The following KHDRBS2 variants were observed in gnomAD, a reference collection of about 807,000 sequenced individuals.
KHDRBS2 encodes the protein KH RNA binding domain containing, signal transduction associated 2.
In KHDRBS2, 26 loss-of-function variants were observed where a neutral mutation model predicts 44.3. That is an observed-to-expected ratio of 0.59 (90% CI 0.43 to 0.81). The LOEUF (loss-of-function observed/expected upper bound fraction) is 0.81. Ranked by LOEUF, KHDRBS2 falls within the 40% of genes least tolerant of loss-of-function variation. KHDRBS2 has a pLI of 0.00. For synonymous variants in KHDRBS2, 194 were observed against 151.1 expected (o/e 1.28, Z -2.08); for missense variants, 476 against 433.1 (o/e 1.10, Z -0.88).
At chr6:61,702,552 G>T (rs1056335798) in intron 7 of KHDRBS2, among the ~76,000 whole-genome samples, 2 of 151,850 alleles carry the variant, frequency 1.3e-5, no homozygotes, top group African/African-American at 2.4e-5. Flanking sequence ...AACATTTGTC[G>T]AATGAATGAA....
chr6:61,955,875 A>G (rs938776553), intron 4 of KHDRBS2, among the ~76,000 whole-genome samples: 14 of 152,020 alleles, frequency 9.2e-5, no homozygotes, highest in Admixed American at 7.9e-4. Context: ...TTCTTATTCA[A>G]TTTTAGATTA....
At chr6:61,899,904 C>G (rs1010325982) in intron 5 of KHDRBS2, among the ~76,000 whole-genome samples, 1 of 151,884 alleles carries the variant, frequency 6.6e-6, no homozygotes, top group African/African-American at 2.4e-5. Flanking sequence ...TTAAAGATGA[C>G]TAGCAATGAT....
At chr6:61,554,217 C>T in the KHDRBS2 span, among the ~76,000 whole-genome samples, 2 of 152,222 alleles carry the variant, frequency 1.3e-5, no homozygotes, top group South Asian at 2.1e-4. Context: ...ATAGTTAGGT[C>T]TTCTTGTTGA....
chr6:62,053,259 A>C (rs1307429682), intron 2 of KHDRBS2, among the ~76,000 whole-genome samples: 1 of 151,998 alleles, frequency 6.6e-6, no homozygotes, highest in Admixed American at 6.6e-5. Context: ...CCAGAGAAAA[A>C]AATGGAGAAA....
Position 61,893,978 on chromosome 6 carries a change from C to A in KHDRBS2, c.810+657G>T, listed in dbSNP as rs140062752. 8.8e-4 allele frequency among the ~76,000 whole-genome samples: 133 copies of A among 151,836 alleles called. 1 individual carries two copies. Among genetic ancestry groups the A allele is most frequent in the African/African-American group, 3.0e-3 (126 of 41,398 alleles). On this transcript the variant is annotated intron_variant, in intron 6 of 8. Coordinates refer to ENST00000281156, the MANE Select transcript of KHDRBS2 (RefSeq NM_152688.4). ...TTTCCCTTTTTACATATTTCACAAT[C>A]TAGTCGGAGAAATGGACACAAGGAC...
chr6:61,926,470 A>C (rs1808992833), intron 4 of KHDRBS2, among the ~76,000 whole-genome samples: 1 of 152,190 alleles, frequency 6.6e-6, no homozygotes. Flanking sequence ...TACTGACTTT[A>C]TATAACATGC....
At chr6:61,849,520 A>G (rs1193172334) in intron 6 of KHDRBS2, among the ~76,000 whole-genome samples, 1 of 152,142 alleles carries the variant, frequency 6.6e-6, no homozygotes, top group Admixed American at 6.6e-5. Flanking sequence ...AAATCTCTTT[A>G]ATGAGTTCTA....
chr6:61,618,683 C>T, the KHDRBS2 span, among the ~76,000 whole-genome samples: 6 of 152,270 alleles, frequency 3.9e-5, no homozygotes, highest in Admixed American at 3.9e-4. Flanking sequence ...TACATGTGTT[C>T]TCATCATTTA....
chr6:61,810,305 C>T (rs1038281337), intron 6 of KHDRBS2, among the ~76,000 whole-genome samples: 1 of 151,908 alleles, frequency 6.6e-6, no homozygotes, highest in Admixed American at 6.6e-5. Context: ...AGGTCAGGCC[C>T]GAGGTTGATG....
chr6:61,935,028 T>A (rs1042318970), intron 4 of KHDRBS2, among the ~76,000 whole-genome samples: 1 of 152,192 alleles, frequency 6.6e-6, no homozygotes, highest in Non-Finnish European at 1.5e-5. Context: ...GTGCTCTGAA[T>A]TTTTAGAGTT....
chr6:62,091,902 T>C (rs1032077560), intron 2 of KHDRBS2, among the ~76,000 whole-genome samples: 4 of 152,166 alleles, frequency 2.6e-5, no homozygotes, highest in Non-Finnish European at 5.9e-5. Flanking sequence ...TACGTATTAA[T>C]TATTAATTAT....
chr6:62,240,115 G>T (rs964939313), intron 1 of KHDRBS2, among the ~76,000 whole-genome samples: 13 of 152,000 alleles, frequency 8.6e-5, no homozygotes, highest in African/African-American at 2.9e-4. Context: ...TATAACATTA[G>T]TATGGTACAT....
At chr6:61,719,055 T>C (rs1771913444) in intron 7 of KHDRBS2, among the ~76,000 whole-genome samples, 1 of 152,186 alleles carries the variant, frequency 6.6e-6, no homozygotes, top group African/African-American at 2.4e-5. Flanking sequence ...TTTGCTCTCC[T>C]AGTACATTCT....
At chr6:61,807,084 C>G (rs543644632) in intron 6 of KHDRBS2, among the ~76,000 whole-genome samples, 1 of 152,032 alleles carries the variant, frequency 6.6e-6, no homozygotes. Context: ...TGCTCAAGAT[C>G]GCTGATCATT....
At chr6:62,005,443 A>T (rs894818304) in intron 3 of KHDRBS2, among the ~76,000 whole-genome samples, 2 of 152,018 alleles carry the variant, frequency 1.3e-5, no homozygotes, top group African/African-American at 4.8e-5. Context: ...TTATTTAAAT[A>T]TGCTTTAATA....
chr6:62,199,819 A>C (rs932702908), intron 1 of KHDRBS2, among the ~76,000 whole-genome samples: 1 of 152,180 alleles, frequency 6.6e-6, no homozygotes, highest in Non-Finnish European at 1.5e-5. Context: ...GCATCACGCT[A>C]CCTGACTTCA....
chr6:61,688,239 CAAA>C (rs758339641), intron 8 of KHDRBS2, among the ~76,000 whole-genome samples: 2 of 151,560 alleles, frequency 1.3e-5, no homozygotes, highest in Non-Finnish European at 2.9e-5. Flanking sequence ...AAAAAGGAGA[CAAA>C]GAAGCTAGCT....
At chr6:61,595,687 G>A in the KHDRBS2 span, among the ~76,000 whole-genome samples, 1 of 151,594 alleles carries the variant, frequency 6.6e-6, no homozygotes, top group Non-Finnish European at 1.5e-5. Context: ...CAGATGAATT[G>A]CATTTCATAA....
chr6:61,601,469 T>C, the KHDRBS2 span, among the ~76,000 whole-genome samples: 1 of 152,110 alleles, frequency 6.6e-6, no homozygotes, highest in Non-Finnish European at 1.5e-5. Context: ...TTGACAGTGG[T>C]TCCAAATAGC....
Sources: allele counts gnomAD v4.1 joint callset (sites outside exome capture counted in the v4.1 genomes callset), GRCh38; gene constraint gnomAD v4.1.1; transcripts MANE v1.5; gene names NCBI Gene and HGNC (gene_info 2026-07-23, HGNC 2026-07-21).